Variants in EIF2B1 observed in about 807,000 individuals in gnomAD.
The protein encoded by EIF2B1 is eukaryotic translation initiation factor 2B subunit alpha.
EIF2B1 carries 30 observed loss-of-function variants against 36.8 expected under a neutral mutation model. That is an observed-to-expected ratio of 0.81 (90% CI 0.61 to 1.10). The LOEUF (loss-of-function observed/expected upper bound fraction) is 1.10. EIF2B1 is among the 50% of genes least tolerant of loss of function. The pLI, the probability that EIF2B1 is intolerant of heterozygous loss-of-function variation, is 0.00. For synonymous variants in EIF2B1, 139 were observed against 142.2 expected (o/e 0.98, Z 0.16); for missense variants, 271 against 374.8 (o/e 0.72, Z 2.29).
intron 6 of EIF2B1, among the ~76,000 whole-genome samples, chr12:123,625,272 T>C (rs1169315109): frequency 6.6e-6 from 1 of 152,172 alleles, no homozygotes; most frequent in African/African-American, 2.4e-5. Context: ...CTTTTTTTTT[T>C]TGAGACCAGA....
Position 123,630,114 on chromosome 12 carries a change from C to G in EIF2B1, c.369+55G>C, listed in dbSNP as rs1955176757. The G allele has an allele frequency of 3.3e-6, 5 of 1,500,732 alleles. No homozygotes were observed. The highest frequency in any genetic ancestry group is 4.6e-6 in the Non-Finnish European group (5 of 1,079,594). The allele number at this position is 1,500,732 out of a possible 1,614,324, so 93.0% of individuals were successfully genotyped here. ...GGCAGAGCCCGGATTTTACCCCAGGCAGTCGGACTCGAAACCGTTGCTCCT... is the reference window on the plus strand; with the variant it reads ...GGCAGAGCCCGGATTTTACCCCAGGGAGTCGGACTCGAAACCGTTGCTCCT... On this transcript the variant is annotated intron_variant, in intron 4 of 8. Transcript: ENST00000424014. The surrounding 1 kb of genome is among the most constrained non-coding windows in gnomAD (Gnocchi z 4.6).
chr12:123,628,318 T>C (rs73416211), intron 4 of EIF2B1, among the ~76,000 whole-genome samples: 5,494 of 150,616 alleles, frequency 0.036, 260 homozygotes, highest in African/African-American at 0.11. Context: ...GCTAGGATTA[T>C]ACACATAAGC....
chr12:123,621,962 T>C (rs1955103998), intron 8 of EIF2B1, 42 bp from the exon 9 acceptor site: 3 of 1,609,304 alleles, frequency 1.9e-6, no homozygotes, highest in South Asian at 2.2e-5. Flanking sequence ...GAATATTTAG[T>C]GCTCTGACCT....
chr12:123,625,587 T>G (rs1383577179), intron 6 of EIF2B1, among the ~76,000 whole-genome samples: 4 of 152,266 alleles, frequency 2.6e-5, no homozygotes. Context: ...TCCTTACTTT[T>G]GAACACATTC....
chr12:123,626,269 T>C, intron 6 of EIF2B1, 156 bp downstream of exon 6: 2 of 812,100 alleles, frequency 2.5e-6, no homozygotes, highest in South Asian at 3.3e-5. Context: ...CACAACCTCA[T>C]AACAAGCTTG....
chr12:123,620,629 A>ATATAT lies in EIF2B1; in HGVS notation c.*1126_*1127insATATA, dbSNP rs1566211855. 1.6e-5 allele frequency: 1 copy of ATATAT among 60,826 alleles called. No homozygotes were observed. The highest frequency in any genetic ancestry group is 3.4e-5 in the Non-Finnish European group (1 of 29,202). The allele number at this position is 60,826 out of a possible 1,614,324, so 3.8% of individuals were successfully genotyped here. A position where few individuals can be genotyped will look rare whatever the true frequency, so the allele number is the denominator to read the frequency against. ...ATATATATATATATATATATATATA[A>ATATAT]GCTCTTTTTTCTGAGGCTATTTTAT... On this transcript the variant is annotated 3_prime_UTR_variant, in exon 9 of 9. Transcript: ENST00000424014.
chr12:123,622,972 A>G (rs1223519855), intron 7 of EIF2B1, among the ~76,000 whole-genome samples: 1 of 152,108 alleles, frequency 6.6e-6, no homozygotes, highest in Non-Finnish European at 1.5e-5. Context: ...ATTAAAAAAC[A>G]GCAATAGAAA....
chr12:123,624,876 A>G lies in EIF2B1; in HGVS notation c.552-14T>C. 1 of 1,612,806 alleles carries G rather than the reference A, an allele frequency of 6.2e-7. No homozygotes were observed. Among genetic ancestry groups the G allele is most frequent in the Non-Finnish European group, 8.5e-7 (1 of 1,178,834 alleles). On this transcript the variant is annotated splice_polypyrimidine_tract_variant and intron_variant, in intron 6 of 8. Transcript: ENST00000424014. ...TCCATGATGTAGCTAAGGGGAAAAA[A>G]AGCTTTTCATGCTTTATTTTCTTGG...
In EIF2B1 at chr12:123,630,473, A is replaced by G. The variant is rs199544322; in HGVS notation, c.176T>C (p.Val59Ala). Residue 59 changes from valine (V) to alanine (A), a missense_variant, in exon 3 of 9, where the codon GTG (valine) becomes GCG (alanine). Coordinates refer to ENST00000424014, the MANE Select transcript of EIF2B1 (RefSeq NM_001414.4). The surrounding 1 kb of genome is among the most constrained non-coding windows in gnomAD (Gnocchi z 4.6). ...LTSAIETLCG[V>A]DSSVAVSSGG... is the part of the protein sequence containing the mutation. ...AGAGGACACTGCCACAGAGGAGTCC[A>G]CACCACACAGGGTTTCTATGGCACT... 5.4e-4 allele frequency: 872 copies of G among 1,614,046 alleles called. 8 individuals carry two copies. The South Asian group carries it at 7.6e-3, about 14-fold the overall frequency.
At position 123,629,747 on chromosome 12, in the gene EIF2B1, C is replaced by T. The variant is rs142730977; in HGVS notation, c.369+422G>A. Among the ~76,000 whole-genome samples the T allele has an allele frequency of 2.3e-3, 344 of 152,208 alleles. 2 individuals are homozygous for T. The highest frequency in any genetic ancestry group is 7.9e-3 in the African/African-American group (326 of 41,520). On this transcript the variant is annotated intron_variant, in intron 4 of 8. Transcript: ENST00000424014. ...GGCGGAGCTTGCAGTGAGCTGAGAT[C>T]GCGCCACTGCACTCCAGCCTGGGTG...
chr12:123,626,987 C>T (rs746134946), intron 5 of EIF2B1, 57 bp downstream of exon 5: 5 of 1,504,486 alleles, frequency 3.3e-6, no homozygotes, highest in Admixed American at 1.7e-5. Context: ...GACTGTAATC[C>T]GCAGTTTGCT....
chr12:123,626,413 A>G lies in EIF2B1; in HGVS notation c.551+12T>C, dbSNP rs778883837. ...GGGGAGGTGATTATGGCTGGGGAAG[A>G]TGGGCACTCACCCGACAGCAGCATC... On this transcript the variant is annotated intron_variant, in intron 6 of 8. Transcript: ENST00000424014. 1 of 1,613,964 alleles carries G rather than the reference A, an allele frequency of 6.2e-7. No homozygotes were observed. Among genetic ancestry groups the G allele is most frequent in the African/African-American group, 1.3e-5 (1 of 74,924 alleles).
chr12:123,630,008 C>A lies in EIF2B1; in HGVS notation c.369+161G>T. On this transcript the variant is annotated intron_variant, in intron 4 of 8. Coordinates refer to ENST00000424014, the MANE Select transcript of EIF2B1 (RefSeq NM_001414.4). The surrounding 1 kb of genome is among the most constrained non-coding windows in gnomAD (Gnocchi z 4.6). The stretch of plus-strand genomic sequence containing the variant: ...TCACAACAACCCAAGGAGGTAGGTA[C>A]TATTGTCATCCTTATTTAACAGATG... 1.4e-6 allele frequency: 1 copy of A among 722,118 alleles called. No homozygotes were observed. The highest frequency in any genetic ancestry group is 2.0e-5 in the Admixed American group (1 of 49,696). 44.7% of individuals were successfully genotyped at this position (722,118 alleles called of 1,614,324 possible). A position where few individuals can be genotyped will look rare whatever the true frequency, so the allele number is the denominator to read the frequency against.
chr12:123,624,701 C>A, intron 7 of EIF2B1, 86 bp downstream of exon 7: 2 of 1,141,188 alleles, frequency 1.8e-6, no homozygotes, highest in Non-Finnish European at 2.7e-6. Flanking sequence ...TTAGAAGGAA[C>A]CATAATCAAC....
chr12:123,626,735 A>T, intron 5 of EIF2B1: 1 of 635,892 alleles, frequency 1.6e-6, no homozygotes, highest in Non-Finnish European at 2.8e-6. Context: ...AAAAGGAGGA[A>T]GTTTTGCTTT....
chr12:123,623,794 C>G (rs915071611), intron 7 of EIF2B1, among the ~76,000 whole-genome samples: 3 of 151,988 alleles, frequency 2.0e-5, no homozygotes, highest in Non-Finnish European at 2.9e-5. Flanking sequence ...TATATTTTAA[C>G]TAAAAAAAGC....
intron 6 of EIF2B1, 104 bp downstream of exon 6, chr12:123,626,321 T>C: frequency 7.3e-7 from 1 of 1,375,768 alleles, no homozygotes. Flanking sequence ...GGACGCTACC[T>C]GGTGTGGCTT....
intron 4 of EIF2B1, among the ~76,000 whole-genome samples, chr12:123,628,963 C>T (rs1303807163): frequency 6.6e-6 from 1 of 152,186 alleles, no homozygotes; most frequent in Non-Finnish European, 1.5e-5. Flanking sequence ...CCGCACAATA[C>T]TGACGGCACA....
chr12:123,626,827 G>T, intron 5 of EIF2B1: 1 of 698,592 alleles, frequency 1.4e-6, no homozygotes, highest in Non-Finnish European at 2.6e-6. Flanking sequence ...GCTCTTCCAC[G>T]GAGTTAACTA....
Sources: gnomAD v4.1 joint callset for allele counts (sites outside exome capture counted in the v4.1 genomes callset) on GRCh38, gnomAD v4.1.1 for gene constraint, Gnocchi (gnomAD v3.1) non-coding constraint, MANE v1.5 for transcripts, NCBI Gene and HGNC (gene_info 2026-07-23, HGNC 2026-07-21) for gene names.